RTKN2: variants seen among roughly 807,000 people sequenced by gnomAD.
RTKN2 encodes rhotekin 2, also known as rhotekin-2.
RTKN2 carries 69 observed loss-of-function variants against 71.5 expected under a neutral mutation model. That is an observed-to-expected ratio of 0.96 (90% CI 0.79 to 1.18). The LOEUF (loss-of-function observed/expected upper bound fraction) is 1.18, where lower values mean the gene tolerates loss of function less well. Ranked by LOEUF, RTKN2 falls within the 50% of genes most tolerant of loss-of-function variation. The pLI, the probability that RTKN2 is intolerant of heterozygous loss-of-function variation, is 0.00. For missense variants in RTKN2, 724 were observed against 719.7 expected (o/e 1.01, Z -0.07); for synonymous variants, 236 against 236.5 (o/e 1.00, Z 0.02).
In RTKN2 at chr10:62,268,552, T is replaced by G. The variant is rs1842908763; in HGVS notation, c.59A>C (p.Gln20Pro). 1.9e-6 allele frequency: 3 copies of G among 1,557,172 alleles called. No homozygotes were observed. The highest frequency in any genetic ancestry group is 2.4e-5 in the East Asian group (1 of 41,904). The change falls in exon 1 of 12, where the codon CAG (glutamine) becomes CCG (proline). Residue 20 changes from glutamine (Q) to proline (P), a missense_variant and splice_region_variant. Physicochemically the swap from Gln to Pro is moderately conservative, Grantham distance 76. Coordinates refer to ENST00000373789, the MANE Select transcript of RTKN2 (RefSeq NM_145307.4). ...GGCAGGGTCCCTCCCGCAACTCACC[T>G]GCTGGGTGGGAAGCCCCGCCAGGCG... ...ALRLAGLPTQQDCNIQEKIDL... is the reference protein window; with the variant it reads ...ALRLAGLPTQPDCNIQEKIDL...
chr10:62,254,067 A>G (rs1842629902), intron 2 of RTKN2, among the ~76,000 whole-genome samples: 2 of 152,220 alleles, frequency 1.3e-5, no homozygotes, highest in Admixed American at 1.3e-4. Context: ...TAATTAATTC[A>G]AAGAGAAAAA....
downstream of RTKN2, among the ~76,000 whole-genome samples, chr10:62,189,694 C>T (rs938798690): frequency 1.3e-5 from 2 of 152,118 alleles, no homozygotes; most frequent in African/African-American, 4.8e-5. Context: ...GGCATGGAGG[C>T]ACATGCCTGT....
chr10:62,247,073 T>A (rs907016811), intron 2 of RTKN2, among the ~76,000 whole-genome samples: 2 of 151,126 alleles, frequency 1.3e-5, no homozygotes, highest in African/African-American at 4.8e-5. Context: ...TTCAAATAAG[T>A]GATAAGATGG....
At chr10:62,237,362 G>A (rs1013736215) in intron 5 of RTKN2, among the ~76,000 whole-genome samples, 12 of 151,948 alleles carry the variant, frequency 7.9e-5, no homozygotes, top group African/African-American at 2.9e-4. Context: ...TTATGTTAAT[G>A]TATGTTAATG....
intron 3 of RTKN2, among the ~76,000 whole-genome samples, chr10:62,241,966 TG>T (rs1287236346): frequency 6.6e-6 from 1 of 151,986 alleles, no homozygotes; most frequent in Non-Finnish European, 1.5e-5. Context: ...CCCAAAGTGC[TG>T]GGATTACAGG....
At chr10:62,241,089 A>G in intron 4 of RTKN2, 53 bp downstream of exon 4, 1 of 959,558 alleles carries the variant, frequency 1.0e-6, no homozygotes, top group Admixed American at 2.5e-5. Context: ...CAATAATCAG[A>G]TACACTACAT....
Position 62,195,941 on chromosome 10 carries a change from T to A in RTKN2, c.*1967A>T. 1 of 985,254 alleles carries A rather than the reference T, an allele frequency of 1.0e-6. No homozygotes were observed. Among genetic ancestry groups the A allele is most frequent in the Non-Finnish European group, 1.2e-6 (1 of 829,816 alleles). The allele number at this position is 985,254 out of a possible 1,614,324, so 61.0% of individuals were successfully genotyped here. A position where few individuals can be genotyped will look rare whatever the true frequency, so the allele number is the denominator to read the frequency against. On this transcript the variant is annotated 3_prime_UTR_variant, in exon 12 of 12. Transcript: ENST00000373789. ...TTCTGTATGAATACTTTCTTTTTCTTATACACCTTAAGTCCTTCCTGCTGT... is the reference window on the plus strand; with the variant it reads ...TTCTGTATGAATACTTTCTTTTTCTAATACACCTTAAGTCCTTCCTGCTGT...
intron 8 of RTKN2, among the ~76,000 whole-genome samples, chr10:62,217,571 T>C (rs772058171): frequency 1.3e-5 from 2 of 152,186 alleles, no homozygotes; most frequent in Non-Finnish European, 2.9e-5. Context: ...TAGAATTCTA[T>C]AGCAATTCAT....
intron 5 of RTKN2, 65 bp downstream of exon 5, chr10:62,239,583 A>T (rs1842328347): frequency 1.4e-6 from 1 of 699,270 alleles, no homozygotes; most frequent in Non-Finnish European, 2.4e-6. Context: ...CAATAATAAG[A>T]ACTTTCTTTT....
chr10:62,247,664 A>C (rs1044423143), intron 2 of RTKN2, among the ~76,000 whole-genome samples: 71 of 152,000 alleles, frequency 4.7e-4, no homozygotes, highest in African/African-American at 1.6e-3. Flanking sequence ...CAGAATAAAA[A>C]GTTCAATTCA....
At chr10:62,201,543 T>C (rs1238150593) in intron 10 of RTKN2, among the ~76,000 whole-genome samples, 1 of 151,986 alleles carries the variant, frequency 6.6e-6, no homozygotes, top group African/African-American at 2.4e-5. Context: ...GATAAATATA[T>C]AAGAGCCAGT....
rs527624900 is a variant in RTKN2, at chr10:62,234,169, C to T, written c.686+1897G>A. 8.5e-5 allele frequency among the ~76,000 whole-genome samples: 13 copies of T among 152,154 alleles called. 1 individual carries two copies. Among genetic ancestry groups the T allele is most frequent in the Middle Eastern group, 3.4e-3 (1 of 294 alleles). On this transcript the variant is annotated intron_variant, in intron 6 of 11. Transcript: ENST00000373789. ...TGTAGAAGTCAGCTTAACGGTTTCC[C>T]ACTGATCAAAGATGAACAACTTGGG...
intron 2 of RTKN2, among the ~76,000 whole-genome samples, chr10:62,254,909 C>T (rs1005015516): frequency 1.2e-4 from 19 of 152,200 alleles, no homozygotes; most frequent in South Asian, 6.2e-4. Flanking sequence ...TTTGAGGCTA[C>T]GGCAAGCTAT....
Position 62,268,566 on chromosome 10 carries a change from C to T in RTKN2, c.45G>A (p.Gly15=), listed in dbSNP as rs747669360. 35 of 1,563,520 alleles carry T rather than the reference C, an allele frequency of 2.2e-5. No homozygotes were observed. Among genetic ancestry groups the T allele is most frequent in the Non-Finnish European group, 2.5e-5 (29 of 1,153,950 alleles). Residue 15 remains glycine, a synonymous_variant, in exon 1 of 12, where the codon GGG becomes GGA. Transcript: ENST00000373789. The part of the protein sequence containing the change: ...SLRGPALRLA[G]LPTQQDCNIQ... ...CGCAACTCACCTGCTGGGTGGGAAGCCCCGCCAGGCGGAGCGCAGGACCCC... is the reference window on the plus strand; with the variant it reads ...CGCAACTCACCTGCTGGGTGGGAAGTCCCGCCAGGCGGAGCGCAGGACCCC...
In RTKN2 at chr10:62,195,974, A is replaced by G; in HGVS notation, c.*1934T>C. 2.0e-6 allele frequency: 2 copies of G among 985,210 alleles called. No individual in the cohort carries two copies. The highest frequency in any genetic ancestry group is 2.4e-6 in the Non-Finnish European group (2 of 829,778). The allele number at this position is 985,210 out of a possible 1,614,324, so 61.0% of individuals were successfully genotyped here. ...TTAAGTCCTTCCTGCTGTTATCTGC[A>G]TGAGGAAAAATGACAAGAATATAAT... On this transcript the variant is annotated 3_prime_UTR_variant, in exon 12 of 12. Coordinates refer to ENST00000373789, the MANE Select transcript of RTKN2 (RefSeq NM_145307.4).
Position 62,268,743 on chromosome 10 carries a change from A to G in RTKN2, c.-133T>C. On this transcript the variant is annotated 5_prime_UTR_variant, in exon 1 of 12. Transcript: ENST00000373789. The stretch of plus-strand genomic sequence containing the variant: ...TCCCAGTCGCAGGGGCCGGGGGCGC[A>G]GGAGGAGCCGGGCCGAAGCGCACGC... The G allele has an allele frequency of 1.1e-6, 1 of 936,234 alleles. No homozygotes were observed. Among genetic ancestry groups the G allele is most frequent in the Non-Finnish European group, 1.6e-6 (1 of 634,612 alleles). The allele number at this position is 936,234 out of a possible 1,614,324, so 58.0% of individuals were successfully genotyped here. A position where few individuals can be genotyped will look rare whatever the true frequency, so the allele number is the denominator to read the frequency against.
chr10:62,193,213 T>C lies in RTKN2; in HGVS notation c.*4695A>G, dbSNP rs144078171. ...AAAGTATTCATTTTCAACAAAACAA[T>C]TTATTTTGATATCTTGAACCATCTG... is the stretch of plus-strand genomic sequence containing the variant. On this transcript the variant is annotated 3_prime_UTR_variant, in exon 12 of 12. Transcript: ENST00000373789. 2,883 of 896,164 alleles carry C rather than the reference T, an allele frequency of 3.2e-3. 7 individuals are homozygous for C. Among genetic ancestry groups the C allele is most frequent in the Non-Finnish European group, 3.6e-3 (2,700 of 748,758 alleles). 55.5% of individuals were successfully genotyped at this position (896,164 alleles called of 1,614,324 possible).
In RTKN2 at chr10:62,223,292, A is replaced by G. The variant is rs1841949592; in HGVS notation, c.727T>C (p.Leu243=). Residue 243 remains leucine (L), a synonymous_variant, in exon 7 of 12, where the codon TTG becomes CTG. Coordinates refer to ENST00000373789, the MANE Select transcript of RTKN2 (RefSeq NM_145307.4). ...YNLLAHTTLT[L]ESAEDSFKTH... ...TTGAAACTATCCTCAGCACTTTCCAAGGTTAGGGTAGTGTGAGCTAGCAAA... is the reference window on the plus strand; with the variant it reads ...TTGAAACTATCCTCAGCACTTTCCAGGGTTAGGGTAGTGTGAGCTAGCAAA... The G allele has an allele frequency of 6.2e-7, 1 of 1,610,748 alleles. No individual in the cohort carries two copies. Among genetic ancestry groups the G allele is most frequent in the African/African-American group, 1.3e-5 (1 of 74,848 alleles).
chr10:62,206,690 G>A (rs1589338786), intron 9 of RTKN2, among the ~76,000 whole-genome samples: 3 of 151,954 alleles, frequency 2.0e-5, no homozygotes, highest in African/African-American at 7.2e-5. Flanking sequence ...TCATAATAGA[G>A]TATAAAATTA....
Sources: gnomAD v4.1 joint callset for allele counts (sites outside exome capture counted in the v4.1 genomes callset) on GRCh38, gnomAD v4.1.1 for gene constraint, MANE v1.5 for transcripts, NCBI Gene and HGNC (gene_info 2026-07-23, HGNC 2026-07-21) for gene names.